Variants in PAX2 observed in about 807,000 individuals in gnomAD.
The protein encoded by PAX2 is paired box protein Pax-2.
A neutral mutation model predicts 41.7 loss-of-function variants in PAX2; 9 were observed. That is an observed-to-expected ratio of 0.22 (90% CI 0.13 to 0.38). The LOEUF (loss-of-function observed/expected upper bound fraction) is 0.38, where lower values mean the gene tolerates loss of function less well. Ranked by LOEUF, PAX2 falls within the 10% of genes least tolerant of loss-of-function variation. The pLI is 1.00. For synonymous variants in PAX2, 221 were observed against 212.7 expected (o/e 1.04, Z -0.34); for missense variants, 418 against 531.6 (o/e 0.79, Z 2.10).
At chr10:100,804,546 A>G (rs936829872) in intron 5 of PAX2, among the ~76,000 whole-genome samples, 3 of 152,210 alleles carry the variant, frequency 2.0e-5, no homozygotes, top group African/African-American at 4.8e-5. Flanking sequence ...GCAAATAGCT[A>G]CAGGGAGTGA....
chr10:100,768,712 C>T (rs759190026), intron 3 of PAX2, among the ~76,000 whole-genome samples: 2 of 152,224 alleles, frequency 1.3e-5, no homozygotes, highest in East Asian at 1.9e-4. Flanking sequence ...AGCCTACAGA[C>T]ATTGAAGTCA....
At chr10:100,774,987 G>A (rs527628627) in intron 3 of PAX2, among the ~76,000 whole-genome samples, 85 of 152,372 alleles carry the variant, frequency 5.6e-4, no homozygotes, top group African/African-American at 1.9e-3. Context: ...CGGAAATGGT[G>A]GAGGAGAAAG....
chr10:100,770,442 A>T (rs777582181), intron 3 of PAX2, among the ~76,000 whole-genome samples: 2 of 152,214 alleles, frequency 1.3e-5, no homozygotes, highest in Non-Finnish European at 2.9e-5. Flanking sequence ...TGGGCTTGGC[A>T]TGCACCACAG....
At chr10:100,780,074 C>G (rs7904804) in intron 4 of PAX2, among the ~76,000 whole-genome samples, 17,632 of 151,756 alleles carry the variant, frequency 0.12, 3,089 homozygotes, top group African/African-American at 0.38. Context: ...TCCCTCTGCC[C>G]TTCCCTCTCT....
At chr10:100,797,614 T>G (rs1847385208) in intron 5 of PAX2, among the ~76,000 whole-genome samples, 1 of 152,254 alleles carries the variant, frequency 6.6e-6, no homozygotes, top group African/African-American at 2.4e-5. Flanking sequence ...AAGCATAGTG[T>G]CTGGTATCCA....
At position 100,749,850 on chromosome 10, in the gene PAX2, C is replaced by A. The variant is rs759356936; in HGVS notation, c.148C>A (p.Arg50=). Reference sequence around the variant, plus strand: ...CGTGGAGCTGGCCCACCAGGGTGTGCGGCCCTGTGACATCTCCCGGCAGCT... The same window carrying A: ...CGTGGAGCTGGCCCACCAGGGTGTGAGGCCCTGTGACATCTCCCGGCAGCT... ...RIVELAHQGV[R]PCDISRQLRV... Residue 50 remains arginine, a synonymous_variant, in exon 2 of 10, where the codon CGG becomes AGG. Coordinates refer to ENST00000355243, the MANE Select transcript of PAX2 (RefSeq NM_000278.5). 20 of 1,611,794 alleles carry A rather than the reference C, an allele frequency of 1.2e-5. No homozygotes were observed. Among genetic ancestry groups the A allele is most frequent in the Non-Finnish European group, 1.4e-5 (17 of 1,179,292 alleles).
chr10:100,740,372 G>A (rs1283340900), intron 1 of PAX2, among the ~76,000 whole-genome samples: 1 of 152,230 alleles, frequency 6.6e-6, no homozygotes, highest in Non-Finnish European at 1.5e-5. Flanking sequence ...GTGGCAGGAG[G>A]TATAGACAGA....
chr10:100,780,422 C>T (rs532282634), intron 4 of PAX2, among the ~76,000 whole-genome samples: 1 of 152,270 alleles, frequency 6.6e-6, no homozygotes, highest in East Asian at 1.9e-4. Flanking sequence ...TCCTGCTGCT[C>T]CTCTTGGCAG....
chr10:100,785,156 G>A (rs1377933163), intron 5 of PAX2, among the ~76,000 whole-genome samples: 4 of 152,226 alleles, frequency 2.6e-5, no homozygotes, highest in Non-Finnish European at 5.9e-5. Flanking sequence ...AACACTGTGT[G>A]AGCTGGTTTA....
Position 100,829,160 on chromosome 10 carries a change from CTGGCCTGTTTTGT to C in PAX2, c.*1546_*1558del, listed in dbSNP as rs1207751062. ...GACGAACATGGTCCTGTGGACTCCT[CTGGCCTGTTTTGT>C]TGGCTCTTTCTCTGTAATTCCGTGT... On this transcript the variant is annotated 3_prime_UTR_variant, in exon 10 of 10. Coordinates refer to ENST00000355243, the MANE Select transcript of PAX2 (RefSeq NM_000278.5). 8.6e-6 allele frequency: 2 copies of C among 232,296 alleles called. No individual in the cohort carries two copies. The highest frequency in any genetic ancestry group is 1.7e-5 in the Non-Finnish European group (2 of 117,242). The allele number at this position is 232,296 out of a possible 1,614,324, so 14.4% of individuals were successfully genotyped here.
Position 100,748,599 on chromosome 10 carries a change from T to C in PAX2, c.44-1147T>C, listed in dbSNP as rs1845302834. 1.0e-6 allele frequency: 1 copy of C among 985,266 alleles called. No homozygotes were observed. The highest frequency in any genetic ancestry group is 4.7e-5 in the South Asian group (1 of 21,280). The allele number at this position is 985,266 out of a possible 1,614,324, so 61.0% of individuals were successfully genotyped here. A position where few individuals can be genotyped will look rare whatever the true frequency, so the allele number is the denominator to read the frequency against. On this transcript the variant is annotated intron_variant, in intron 1 of 9. Transcript: ENST00000355243. The surrounding 1 kb of genome is among the most constrained non-coding windows in gnomAD (Gnocchi z 5.0). ...CTCAGTACCTGCGGCTACGGGTTGA[T>C]CGCTCTGGGTGCAGGATTTCTAGAC...
chr10:100,788,186 G>A (rs1366515140), intron 5 of PAX2, among the ~76,000 whole-genome samples: 1 of 152,246 alleles, frequency 6.6e-6, no homozygotes, highest in Non-Finnish European at 1.5e-5. Context: ...TTTACTGCTA[G>A]TCTGTGCTGA....
chr10:100,747,676 G>T lies in PAX2; in HGVS notation c.43+1373G>T, dbSNP rs1030763802. 8 of 983,996 alleles carry T rather than the reference G, an allele frequency of 8.1e-6. No individual in the cohort carries two copies. In the Admixed American group the frequency reaches 3.7e-4, roughly 46 times the overall value. 61.0% of individuals were successfully genotyped at this position (983,996 alleles called of 1,614,324 possible). On this transcript the variant is annotated intron_variant, in intron 1 of 9. Coordinates refer to ENST00000355243, the MANE Select transcript of PAX2 (RefSeq NM_000278.5). ...TAGCGTTGCGGGGGTTGGGGGGGGC[G>T]TTTAAAAATACTTCTGGGATAAAAT...
chr10:100,810,275 G>A (rs1391303047), intron 7 of PAX2, among the ~76,000 whole-genome samples: 1 of 152,204 alleles, frequency 6.6e-6, no homozygotes, highest in African/African-American at 2.4e-5. Flanking sequence ...GCTGGTCTGA[G>A]TGCGGCTGCA....
chr10:100,790,577 C>A (rs1405888691), intron 5 of PAX2, among the ~76,000 whole-genome samples: 4 of 152,238 alleles, frequency 2.6e-5, no homozygotes, highest in African/African-American at 9.6e-5. Context: ...TATCCCCGGG[C>A]CCTGCTACTC....
intron 3 of PAX2, among the ~76,000 whole-genome samples, chr10:100,764,136 ATTTT>A (rs145391942): frequency 1.4e-3 from 149 of 103,748 alleles, no homozygotes; most frequent in African/African-American, 3.3e-3. Flanking sequence ...CAAACATTGA[ATTTT>A]TTTTTTTTTT....
In PAX2 at chr10:100,791,021, C is replaced by T. The variant is rs1847095321; in HGVS notation, c.616+9656C>T. 6.6e-6 allele frequency among the ~76,000 whole-genome samples: 1 copy of T among 152,228 alleles called. No individual in the cohort carries two copies. Among genetic ancestry groups the T allele is most frequent in the South Asian group, 2.1e-4 (1 of 4,832 alleles). ...ACCTGCTGACCTTGACAGCACTAGACAACAGAGGCCTCACAAACCTCAACC... is the reference window on the plus strand; with the variant it reads ...ACCTGCTGACCTTGACAGCACTAGATAACAGAGGCCTCACAAACCTCAACC... On this transcript the variant is annotated intron_variant, in intron 5 of 9. Transcript: ENST00000355243. This position sits in a 1 kb window ranked among gnomAD's most constrained non-coding sequence, Gnocchi z 4.5.
At chr10:100,794,543 A>G (rs555897660) in intron 5 of PAX2, among the ~76,000 whole-genome samples, 1 of 152,146 alleles carries the variant, frequency 6.6e-6, no homozygotes, top group Admixed American at 6.5e-5. Flanking sequence ...AGATTCTCAC[A>G]TGATATGGTT....
chr10:100,741,253 GGAAAA>G (rs1484223793), upstream of PAX2, among the ~76,000 whole-genome samples: 1 of 151,988 alleles, frequency 6.6e-6, no homozygotes, highest in African/African-American at 2.4e-5. Flanking sequence ...AACAAAAGCA[GGAAAA>G]GAAGAGTGAG....
Sources: gnomAD v4.1 joint callset for allele counts (sites outside exome capture counted in the v4.1 genomes callset) on GRCh38, gnomAD v4.1.1 for gene constraint, Gnocchi (gnomAD v3.1) non-coding constraint, MANE v1.5 for transcripts, NCBI Gene and HGNC (gene_info 2026-07-23, HGNC 2026-07-21) for gene names.